Variants in NEURL1 observed in about 807,000 individuals in gnomAD.
The protein encoded by NEURL1 is neuralized E3 ubiquitin protein ligase 1.
In NEURL1, 26 loss-of-function variants were observed where a neutral mutation model predicts 41.2. That is an observed-to-expected ratio of 0.63 (90% CI 0.46 to 0.87). The LOEUF (loss-of-function observed/expected upper bound fraction) is 0.87, where lower values mean the gene tolerates loss of function less well. Among genes scored for constraint, NEURL1 ranks in the 40% least tolerant of loss-of-function variants. The pLI is 0.00. For synonymous variants in NEURL1, 400 were observed against 402.3 expected (o/e 0.99, Z 0.07); for missense variants, 761 against 871.1 (o/e 0.87, Z 1.59).
intron 1 of NEURL1, among the ~76,000 whole-genome samples, chr10:103,498,351 C>T (rs1286871333): frequency 6.6e-6 from 1 of 152,182 alleles, no homozygotes; most frequent in African/African-American, 2.4e-5. Flanking sequence ...CTCAGCCTCC[C>T]GAGTAGCTGG....
intron 1 of NEURL1, among the ~76,000 whole-genome samples, chr10:103,537,396 C>T (rs537461733): frequency 7.2e-5 from 11 of 152,126 alleles, no homozygotes; most frequent in South Asian, 4.1e-4. Flanking sequence ...TCCCTCCTCT[C>T]GCACTCTTAT....
At position 103,590,139 on chromosome 10, in the gene NEURL1, G is replaced by A. The variant is rs2036007511; in HGVS notation, c.1492G>A (p.Ala498Thr). The A allele has an allele frequency of 1.7e-5, 27 of 1,613,640 alleles. No individual in the cohort carries two copies. Among genetic ancestry groups the A allele is most frequent in the Non-Finnish European group, 2.2e-5 (26 of 1,180,032 alleles). Residue 498 changes from alanine to threonine, a missense_variant, in exon 6 of 6, where the codon GCC becomes ACC. Physicochemically the swap from Ala to Thr is moderately conservative, Grantham distance 58. This residue lies in a region of NEURL1 where 443 missense variants were observed against 408.1 expected (regional missense o/e 1.09). Coordinates refer to ENST00000369780, the MANE Select transcript of NEURL1 (RefSeq NM_004210.5). ...TGGTGCCCCCTTGTCCTCAGGGACA[G>A]CCCCCAATTCGCCAGTGAGCCTGCC... ...GPLGSSAGGT[A>T]PNSPVSLPES... is the part of the protein sequence containing the mutation.
chr10:103,495,167 T>A (rs905305350), intron 1 of NEURL1, among the ~76,000 whole-genome samples: 1 of 152,138 alleles, frequency 6.6e-6, no homozygotes, highest in Non-Finnish European at 1.5e-5. Context: ...AGGCCCAGTC[T>A]CCCCATTCGG....
intron 3 of NEURL1, among the ~76,000 whole-genome samples, chr10:103,584,188 A>G (rs983268194): frequency 6.6e-6 from 1 of 152,180 alleles, no homozygotes; most frequent in Non-Finnish European, 1.5e-5. Context: ...TAGGGATAAG[A>G]CGGAAGGAGC....
chr10:103,569,906 T>G (rs1354847421), intron 1 of NEURL1, among the ~76,000 whole-genome samples: 1 of 152,170 alleles, frequency 6.6e-6, no homozygotes, highest in East Asian at 1.9e-4. Flanking sequence ...GGATTGGAGA[T>G]GCAAAGTGGT....
chr10:103,535,076 A>T (rs564364086), intron 1 of NEURL1, among the ~76,000 whole-genome samples: 1 of 152,208 alleles, frequency 6.6e-6, no homozygotes, highest in South Asian at 2.1e-4. Context: ...ATCCCAGGGG[A>T]TGAGGCATTG....
chr10:103,578,749 C>T (rs1375485288), intron 3 of NEURL1, among the ~76,000 whole-genome samples: 1 of 152,178 alleles, frequency 6.6e-6, no homozygotes, highest in African/African-American at 2.4e-5. Flanking sequence ...CTAAATTTCC[C>T]ATGGTTGGGT....
intron 1 of NEURL1, among the ~76,000 whole-genome samples, chr10:103,553,872 A>G (rs756028653): frequency 2.0e-5 from 3 of 152,190 alleles, no homozygotes; most frequent in Non-Finnish European, 2.9e-5. Flanking sequence ...TGTCCAGGCC[A>G]GGGCCAGGGA....
At chr10:103,498,267 G>A (rs893215009) in intron 1 of NEURL1, among the ~76,000 whole-genome samples, 14 of 152,122 alleles carry the variant, frequency 9.2e-5, no homozygotes, top group Non-Finnish European at 1.8e-4. Context: ...TCGCTCTGTC[G>A]CCCAGGCTGG....
intron 1 of NEURL1, among the ~76,000 whole-genome samples, chr10:103,562,149 C>T (rs1239099567): frequency 6.6e-6 from 1 of 152,186 alleles, no homozygotes; most frequent in Non-Finnish European, 1.5e-5. Flanking sequence ...TTTTGGGAGG[C>T]CTAGGCGGGC....
intron 1 of NEURL1, among the ~76,000 whole-genome samples, chr10:103,537,909 C>G (rs2034728411): frequency 6.6e-6 from 1 of 152,068 alleles, no homozygotes; most frequent in Non-Finnish European, 1.5e-5. Context: ...CTGCTGCACC[C>G]CCCGCCTCTG....
chr10:103,520,533 C>G (rs986869274), intron 1 of NEURL1, among the ~76,000 whole-genome samples: 4 of 152,120 alleles, frequency 2.6e-5, no homozygotes, highest in Non-Finnish European at 5.9e-5. Context: ...AGGCAGGAAC[C>G]GACCATTTTG....
At chr10:103,505,965 G>GGGA (rs1280015593) in intron 1 of NEURL1, among the ~76,000 whole-genome samples, 1 of 152,182 alleles carries the variant, frequency 6.6e-6, no homozygotes, top group Admixed American at 6.5e-5. Flanking sequence ...GTGGGGACAG[G>GGGA]GGAGGAGGAG....
In NEURL1 at chr10:103,558,423, T is replaced by C. The variant is rs899794566; in HGVS notation, c.86-12449T>C. Among the ~76,000 whole-genome samples, 4 of 152,096 alleles carry C rather than the reference T, an allele frequency of 2.6e-5. No individual in the cohort carries two copies. Among genetic ancestry groups the C allele is most frequent in the Non-Finnish European group, 5.9e-5 (4 of 68,020 alleles). On this transcript the variant is annotated intron_variant, in intron 1 of 5. Transcript: ENST00000369780. The surrounding 1 kb of genome is among the most constrained non-coding windows in gnomAD (Gnocchi z 4.2). ...TGTGTGATGTGTCTCTAACTGTGGATTGAAGCGACTGTGTGTTGCCGGGCC... is the reference window on the plus strand; with the variant it reads ...TGTGTGATGTGTCTCTAACTGTGGACTGAAGCGACTGTGTGTTGCCGGGCC...
Position 103,571,129 on chromosome 10 carries a change from G to GCCCCCC in NEURL1, c.327+21_327+22insCCCCCC. The GCCCCCC allele has an allele frequency of 6.2e-7, 1 of 1,607,024 alleles. No homozygotes were observed. Reference sequence around the variant, plus strand: ...CAGGCTGAAGGTGGGCCTGCCCCCTGCCCCCGCCCCCGCCTCCTGCTTCCT... The same window carrying GCCCCCC: ...CAGGCTGAAGGTGGGCCTGCCCCCTGCCCCCCCCCCCGCCCCCGCCTCCTGCTTCCT... On this transcript the variant is annotated intron_variant, in intron 2 of 5. Coordinates refer to ENST00000369780, the MANE Select transcript of NEURL1 (RefSeq NM_004210.5).
intron 1 of NEURL1, among the ~76,000 whole-genome samples, chr10:103,565,738 C>A (rs1307231098): frequency 6.6e-6 from 1 of 152,204 alleles, no homozygotes; most frequent in Non-Finnish European, 1.5e-5. Context: ...CTCCCTGCAA[C>A]TTTCCAGGCT....
intron 1 of NEURL1, among the ~76,000 whole-genome samples, chr10:103,554,510 G>C (rs1361958814): frequency 6.6e-6 from 1 of 152,168 alleles, no homozygotes; most frequent in Non-Finnish European, 1.5e-5. Flanking sequence ...GTTGGTGTGG[G>C]GGGGAAAAGC....
At position 103,523,496 on chromosome 10, in the gene NEURL1, ATTG is replaced by A. The variant is rs904162564; in HGVS notation, c.85+29030_85+29032del. Among the ~76,000 whole-genome samples, 177 of 152,104 alleles carry A rather than the reference ATTG, an allele frequency of 1.2e-3. 1 individual carries two copies. The highest frequency in any genetic ancestry group is 3.2e-3 in the Admixed American group (49 of 15,258). On this transcript the variant is annotated intron_variant, in intron 1 of 5. Coordinates refer to ENST00000369780, the MANE Select transcript of NEURL1 (RefSeq NM_004210.5). ...AGAAAAAGAAAAAAAAGTACAATAA[ATTG>A]TTGTTAGTTATAGTCACCCTATAGT...
Position 103,571,793 on chromosome 10 carries a change from A to G in NEURL1, c.620A>G (p.Tyr207Cys). Reference sequence around the variant, plus strand: ...CCGCTCTGGGCCCTGGTGGACGTCTACGGCCTCACGCGGGGCGTCCAGCTG... The same window carrying G: ...CCGCTCTGGGCCCTGGTGGACGTCTGCGGCCTCACGCGGGGCGTCCAGCTG... ...ADPLWALVDV[Y>C]GLTRGVQLLD... The change falls in exon 3 of 6, where the codon TAC becomes TGC. Residue 207 changes from tyrosine to cysteine, a missense_variant. Around this residue, in one of 5 missense-constraint regions of NEURL1, gnomAD observed 114 missense variants for 144.8 expected, o/e 0.79. Transcript: ENST00000369780. 1 of 1,611,220 alleles carries G rather than the reference A, an allele frequency of 6.2e-7. No homozygotes were observed. Among genetic ancestry groups the G allele is most frequent in the Non-Finnish European group, 8.5e-7 (1 of 1,178,530 alleles).
Sources: allele counts gnomAD v4.1 joint callset (sites outside exome capture counted in the v4.1 genomes callset), GRCh38; gene constraint gnomAD v4.1.1; regional missense constraint gnomAD v4.1.1; non-coding constraint Gnocchi (gnomAD v3.1); transcripts MANE v1.5; gene names NCBI Gene and HGNC (gene_info 2026-07-23, HGNC 2026-07-21).